Variants in PBX3 observed in about 807,000 individuals in gnomAD.
The protein encoded by PBX3 is pre-B-cell leukemia transcription factor 3.
In PBX3, 14 loss-of-function variants were observed where a neutral mutation model predicts 48.5. That is an observed-to-expected ratio of 0.29 (90% CI 0.19 to 0.45). The LOEUF (loss-of-function observed/expected upper bound fraction) is 0.45, where lower values mean the gene tolerates loss of function less well. Ranked by LOEUF, PBX3 falls within the 20% of genes least tolerant of loss-of-function variation. PBX3 has a pLI of 1.00. For missense variants in PBX3, 386 were observed against 546.7 expected (o/e 0.71, Z 2.93); for synonymous variants, 210 against 200.3 (o/e 1.05, Z -0.41).
At position 125,747,503 on chromosome 9, in the gene PBX3, C is replaced by T. The variant is rs1476859332; in HGVS notation, c.50C>T (p.Ala17Val). The T allele has an allele frequency of 3.8e-6, 6 of 1,587,702 alleles. No homozygotes were observed. Among genetic ancestry groups the T allele is most frequent in the Non-Finnish European group, 5.1e-6 (6 of 1,168,398 alleles). Residue 17 changes from alanine (A) to valine (V), a missense_variant, in exon 1 of 9, where the codon GCT becomes GTT. Around this residue, in one of 4 missense-constraint regions of PBX3, gnomAD observed 116 missense variants for 98.2 expected, o/e 1.18. Transcript: ENST00000373489. ...MLQTLAGVNL[A>V]GHSVQGGMAL... ...CAGACTCTGGCCGGGGTGAACCTGG[C>T]TGGCCACTCGGTGCAGGGGGGCATG...
chr9:125,822,104 TG>T (rs1838669469), intron 2 of PBX3, among the ~76,000 whole-genome samples: 2 of 152,124 alleles, frequency 1.3e-5, no homozygotes, highest in East Asian at 3.8e-4. Flanking sequence ...GCATTAATAG[TG>T]GAGTTATTTT....
intron 2 of PBX3, among the ~76,000 whole-genome samples, chr9:125,877,089 T>G (rs1012142074): frequency 1.2e-4 from 18 of 152,112 alleles, no homozygotes; most frequent in Admixed American, 1.1e-3. Context: ...GTCTTTCTAG[T>G]GAGATTATAA....
At chr9:125,797,008 A>G (rs1257522570) in intron 2 of PBX3, among the ~76,000 whole-genome samples, 2 of 152,034 alleles carry the variant, frequency 1.3e-5, no homozygotes, top group Admixed American at 1.3e-4. Context: ...ACCACCCCCC[A>G]ATAATTCTTG....
At chr9:125,854,781 G>A (rs1215950031) in intron 2 of PBX3, among the ~76,000 whole-genome samples, 1 of 152,156 alleles carries the variant, frequency 6.6e-6, no homozygotes, top group Non-Finnish European at 1.5e-5. Context: ...GGGAACTTGG[G>A]TTGAAAGAGT....
At chr9:125,801,559 A>G (rs1379726254) in intron 2 of PBX3, among the ~76,000 whole-genome samples, 1 of 152,194 alleles carries the variant, frequency 6.6e-6, no homozygotes, top group Non-Finnish European at 1.5e-5. Context: ...ACCTTTTCAC[A>G]TAAGAAAATG....
At chr9:125,944,046 G>T (rs1450534279) in intron 5 of PBX3, among the ~76,000 whole-genome samples, 1 of 152,256 alleles carries the variant, frequency 6.6e-6, no homozygotes, top group Admixed American at 6.5e-5. Flanking sequence ...TGACAGGGTA[G>T]AGAGTGGATA....
chr9:125,924,521 G>A (rs10987039), intron 3 of PBX3, among the ~76,000 whole-genome samples: 9,444 of 152,222 alleles, frequency 0.062, 682 homozygotes, highest in East Asian at 0.17. Context: ...GCCTGAAACC[G>A]TGTCAGTTAA....
chr9:125,750,841 G>T (rs1311082489), intron 2 of PBX3, among the ~76,000 whole-genome samples: 1 of 152,146 alleles, frequency 6.6e-6, no homozygotes, highest in East Asian at 1.9e-4. Context: ...ATTGATGGGG[G>T]TGAAGCTCTT....
chr9:125,844,166 A>G (rs765144451), intron 2 of PBX3, among the ~76,000 whole-genome samples: 15 of 152,048 alleles, frequency 9.9e-5, no homozygotes, highest in Non-Finnish European at 1.6e-4. Context: ...TTTTTAAGGA[A>G]GTTTTCTATT....
intron 2 of PBX3, among the ~76,000 whole-genome samples, chr9:125,756,569 A>G (rs1381325402): frequency 2.6e-5 from 4 of 152,288 alleles, no homozygotes; most frequent in Non-Finnish European, 4.4e-5. Flanking sequence ...GTTTAGTTCA[A>G]GTGTCTGAAT....
intron 2 of PBX3, among the ~76,000 whole-genome samples, chr9:125,776,481 T>C (rs1299635114): frequency 6.6e-6 from 1 of 152,226 alleles, no homozygotes; most frequent in Non-Finnish European, 1.5e-5. Context: ...ACTTGTAAAA[T>C]ATATTGGTCT....
At chr9:125,880,300 C>T (rs1339327132) in intron 2 of PBX3, among the ~76,000 whole-genome samples, 1 of 152,214 alleles carries the variant, frequency 6.6e-6, no homozygotes, top group Non-Finnish European at 1.5e-5. Context: ...GCCTCGGCCT[C>T]CCAAAGTGTT....
chr9:125,867,214 C>T (rs1840002950), intron 2 of PBX3, among the ~76,000 whole-genome samples: 1 of 151,678 alleles, frequency 6.6e-6, no homozygotes, highest in South Asian at 2.1e-4. Context: ...GTCCCCGGTC[C>T]TCCCTGAAGT....
intron 2 of PBX3, among the ~76,000 whole-genome samples, chr9:125,826,054 A>T (rs1407171373): frequency 6.6e-6 from 1 of 152,228 alleles, no homozygotes; most frequent in Non-Finnish European, 1.5e-5. Context: ...AATAACGTTA[A>T]TATTTAACTA....
chr9:125,817,930 C>T (rs916685496), intron 2 of PBX3, among the ~76,000 whole-genome samples: 6 of 152,116 alleles, frequency 3.9e-5, no homozygotes, highest in African/African-American at 1.4e-4. Context: ...TGGCTGGATG[C>T]GGTGGCTCAC....
At chr9:125,901,942 A>G (rs991721066) in intron 2 of PBX3, among the ~76,000 whole-genome samples, 6 of 151,740 alleles carry the variant, frequency 4.0e-5, no homozygotes, top group Non-Finnish European at 7.4e-5. Context: ...GTGACGCACA[A>G]TGTTGTCTTT....
chr9:125,915,542 C>A, intron 2 of PBX3, 144 bp from the exon 3 acceptor site: 1 of 629,678 alleles, frequency 1.6e-6, no homozygotes, highest in Non-Finnish European at 2.7e-6. Flanking sequence ...ACTTACCGAT[C>A]AAATGTGAAC....
At chr9:125,930,549 A>AGT (rs1841690724) in intron 4 of PBX3, among the ~76,000 whole-genome samples, 1 of 152,148 alleles carries the variant, frequency 6.6e-6, no homozygotes, top group African/African-American at 2.4e-5. Context: ...TTTGGAAAGA[A>AGT]GTTTCTATTT....
chr9:125,913,170 GTACTT>G (rs1170342379), intron 2 of PBX3, among the ~76,000 whole-genome samples: 1 of 151,964 alleles, frequency 6.6e-6, no homozygotes, highest in East Asian at 1.9e-4. Flanking sequence ...TATTTGCAAA[GTACTT>G]TAGTACTTTT....
Sources: gnomAD v4.1 joint callset for allele counts (sites outside exome capture counted in the v4.1 genomes callset) on GRCh38, gnomAD v4.1.1 for gene constraint, gnomAD v4.1.1 regional missense constraint, MANE v1.5 for transcripts, NCBI Gene and HGNC (gene_info 2026-07-23, HGNC 2026-07-21) for gene names.